Variants in GRIN2B observed in about 807,000 individuals in gnomAD.
GRIN2B encodes the protein glutamate ionotropic receptor NMDA type subunit 2B, also known as glutamate receptor ionotropic, NMDA 2B.
In GRIN2B, 5 loss-of-function variants were observed where a neutral mutation model predicts 114.5. That is an observed-to-expected ratio of 0.04 (90% CI 0.02 to 0.09). The LOEUF is 0.09. Among genes scored for constraint, GRIN2B ranks in the 10% least tolerant of loss-of-function variants. The pLI, the probability that GRIN2B is intolerant of heterozygous loss-of-function variation, is 1.00. For synonymous variants in GRIN2B, 787 were observed against 745.1 expected (o/e 1.06, Z -0.92); for missense variants, 1,108 against 1,943.5 (o/e 0.57, Z 8.08).
intron 3 of GRIN2B, among the ~76,000 whole-genome samples, chr12:13,830,773 T>C (rs1865130955): frequency 6.6e-6 from 1 of 152,202 alleles, no homozygotes; most frequent in African/African-American, 2.4e-5. Flanking sequence ...GAATATTCCT[T>C]AAAGAATCTT....
At chr12:13,693,924 C>T (rs558623748) in intron 4 of GRIN2B, among the ~76,000 whole-genome samples, 2 of 152,098 alleles carry the variant, frequency 1.3e-5, no homozygotes, top group African/African-American at 4.8e-5. Context: ...TGGTCACCAA[C>T]TACTACCATC....
intron 5 of GRIN2B, among the ~76,000 whole-genome samples, chr12:13,661,706 C>G (rs1171557225): frequency 6.6e-6 from 1 of 152,176 alleles, no homozygotes; most frequent in East Asian, 1.9e-4. Context: ...GGGACACTTG[C>G]AGGGGGCTGA....
chr12:13,968,981 C>T (rs1430838324), intron 2 of GRIN2B, among the ~76,000 whole-genome samples: 1 of 152,194 alleles, frequency 6.6e-6, no homozygotes, highest in Admixed American at 6.5e-5. Context: ...TGTTCCTTCC[C>T]TCTTAGAGGA....
intron 9 of GRIN2B, among the ~76,000 whole-genome samples, chr12:13,611,086 C>T (rs1306163328): frequency 6.6e-6 from 1 of 152,200 alleles, no homozygotes; most frequent in Admixed American, 6.5e-5. Context: ...GTCATAAATG[C>T]CTCAAACACA....
chr12:13,860,972 T>G (rs1385733719), intron 3 of GRIN2B, among the ~76,000 whole-genome samples: 1 of 152,200 alleles, frequency 6.6e-6, no homozygotes, highest in African/African-American at 2.4e-5. Flanking sequence ...CTATCACTAC[T>G]CCTTATTTCC....
rs187262952 is a variant in GRIN2B, at chr12:13,867,001, G to A, written c.-18-775C>T. On this transcript the variant is annotated intron_variant, in intron 2 of 13. Transcript: ENST00000609686. ...AAACAAACCTGAACCCAGATCTTCT[G>A]ACTTTTGTATTCCAATATGTGTTCT... 3.9e-5 allele frequency among the ~76,000 whole-genome samples: 6 copies of A among 152,262 alleles called. No homozygotes were observed. The East Asian group carries it at 1.2e-3, about 29-fold the overall frequency.
intron 12 of GRIN2B, among the ~76,000 whole-genome samples, chr12:13,569,355 T>C (rs574243613): frequency 2.6e-5 from 4 of 152,254 alleles, no homozygotes; most frequent in African/African-American, 9.6e-5. Context: ...GAACCCCTAA[T>C]CTAATATGAC....
chr12:13,551,047 TTCCACC>T lies in GRIN2B; in HGVS notation c.*11730_*11735del, dbSNP rs57492574. On this transcript the variant is annotated 3_prime_UTR_variant, in exon 14 of 14. Coordinates refer to ENST00000609686, the MANE Select transcript of GRIN2B (RefSeq NM_000834.5). Reference sequence around the variant, plus strand: ...TACTTCATGTTTTTCTCAGTAAGAGTTCCACCTCCACCTAGATGCTTCACTATCCTC... The same window carrying T: ...TACTTCATGTTTTTCTCAGTAAGAGTTCCACCTAGATGCTTCACTATCCTC... 137,128 of 151,772 alleles carry T rather than the reference TTCCACC, an allele frequency of 0.9. 63,611 individuals are homozygous for T. Among genetic ancestry groups the T allele is most frequent in the East Asian group, 1 (5,132 of 5,132 alleles). 9.4% of individuals were successfully genotyped at this position (151,772 alleles called of 1,614,324 possible). A position where few individuals can be genotyped will look rare whatever the true frequency, so the allele number is the denominator to read the frequency against.
At chr12:13,901,186 T>C (rs924544290) in intron 2 of GRIN2B, among the ~76,000 whole-genome samples, 1 of 152,196 alleles carries the variant, frequency 6.6e-6, no homozygotes, top group South Asian at 2.1e-4. Flanking sequence ...GTTGAGTATA[T>C]ATCGGCAATT....
intron 3 of GRIN2B, among the ~76,000 whole-genome samples, chr12:13,777,351 A>G (rs1864024129): frequency 6.6e-6 from 1 of 152,132 alleles, no homozygotes; most frequent in Non-Finnish European, 1.5e-5. Flanking sequence ...ACCACTCAAT[A>G]GTTTCCAGAC....
rs1056123965 is a variant in GRIN2B at position 13,598,101 on chromosome 12, G to A, written c.2010+10502C>T. Among the ~76,000 whole-genome samples the A allele has an allele frequency of 1.1e-4, 16 of 152,314 alleles. No homozygotes were observed. In the South Asian group the frequency reaches 1.2e-3, roughly 12 times the overall value. On this transcript the variant is annotated intron_variant, in intron 10 of 13. Coordinates refer to ENST00000609686, the MANE Select transcript of GRIN2B (RefSeq NM_000834.5). ...GGAAAGCACTTCCTTGGCTGGCACC[G>A]CAGTGGTCTGGCATTGCCACTCCCT...
chr12:13,811,327 G>T (rs535731079), intron 3 of GRIN2B, among the ~76,000 whole-genome samples: 1 of 152,172 alleles, frequency 6.6e-6, no homozygotes, highest in South Asian at 2.1e-4. Context: ...GTTTTTTTTG[G>T]TTTCGGTTTA....
chr12:13,957,452 A>T (rs887007059), intron 2 of GRIN2B, among the ~76,000 whole-genome samples: 1 of 152,188 alleles, frequency 6.6e-6, no homozygotes, highest in South Asian at 2.1e-4. Flanking sequence ...AGAAGCACCC[A>T]ATGAACTCAT....
chr12:13,852,725 C>T (rs1377483617), intron 3 of GRIN2B, among the ~76,000 whole-genome samples: 1 of 145,814 alleles, frequency 6.9e-6, no homozygotes, highest in East Asian at 2.0e-4. Flanking sequence ...TCACAGAAAT[C>T]ACACGTGGCA....
At chr12:13,761,327 G>A (rs888572338) in intron 3 of GRIN2B, among the ~76,000 whole-genome samples, 3 of 152,074 alleles carry the variant, frequency 2.0e-5, no homozygotes, top group Non-Finnish European at 4.4e-5. Flanking sequence ...TGCTTTAATC[G>A]CCAAATTTAA....
At chr12:13,676,368 A>G (rs1239217230) in intron 4 of GRIN2B, among the ~76,000 whole-genome samples, 2 of 152,172 alleles carry the variant, frequency 1.3e-5, no homozygotes, top group Non-Finnish European at 2.9e-5. Flanking sequence ...AAATTTTTAA[A>G]AAGGTGTTTG....
At chr12:13,625,039 A>G (rs1225875243) in intron 5 of GRIN2B, among the ~76,000 whole-genome samples, 1 of 152,154 alleles carries the variant, frequency 6.6e-6, no homozygotes, top group Non-Finnish European at 1.5e-5. Flanking sequence ...TGGAGATGTG[A>G]TCATATTAGA....
rs148430620 is a variant in GRIN2B at position 13,931,103 on chromosome 12, C to T, written c.-19+48825G>A. Among the ~76,000 whole-genome samples, 570 of 152,178 alleles carry T rather than the reference C, an allele frequency of 3.7e-3. 3 individuals are homozygous for T. Among genetic ancestry groups the T allele is most frequent in the Non-Finnish European group, 5.6e-3 (382 of 67,996 alleles). On this transcript the variant is annotated intron_variant, in intron 2 of 13. Coordinates refer to ENST00000609686, the MANE Select transcript of GRIN2B (RefSeq NM_000834.5). ...GGCATTACCTAGAAGCACTTGAGGTCGTATAGAGGTGGTTTGAACAGAAAA... is the reference window on the plus strand; with the variant it reads ...GGCATTACCTAGAAGCACTTGAGGTTGTATAGAGGTGGTTTGAACAGAAAA...
rs528316416 is a variant in GRIN2B at position 13,580,596 on chromosome 12, C to T, written c.2011-8632G>A. Among the ~76,000 whole-genome samples, 8 of 152,308 alleles carry T rather than the reference C, an allele frequency of 5.3e-5. No homozygotes were observed. The East Asian group carries it at 1.3e-3, about 26-fold the overall frequency. Reference sequence around the variant, plus strand: ...AGATGTGAATGGCTTTGGGCCTGGGCTAATTATGAGGAGGTGGCAGCACAT... The same window carrying T: ...AGATGTGAATGGCTTTGGGCCTGGGTTAATTATGAGGAGGTGGCAGCACAT... On this transcript the variant is annotated intron_variant, in intron 10 of 13. Coordinates refer to ENST00000609686, the MANE Select transcript of GRIN2B (RefSeq NM_000834.5).
Sources: allele counts gnomAD v4.1 joint callset (sites outside exome capture counted in the v4.1 genomes callset), GRCh38; gene constraint gnomAD v4.1.1; transcripts MANE v1.5; gene names NCBI Gene and HGNC (gene_info 2026-07-23, HGNC 2026-07-21).